Variants in SLX4 observed in about 807,000 individuals in gnomAD.
SLX4 encodes structure-specific endonuclease subunit SLX4.
SLX4 carries 112 observed loss-of-function variants against 146.2 expected under a neutral mutation model. The ratio of observed to expected loss-of-function variants is 0.77; its 90% confidence interval spans 0.66 to 0.90. The LOEUF is 0.90. Among genes scored for constraint, SLX4 ranks in the 40% least tolerant of loss-of-function variants. SLX4 has a pLI of 0.00. For synonymous variants in SLX4, 1,061 were observed against 997.7 expected (o/e 1.06, Z -1.20); for missense variants, 2,563 against 2,392.7 (o/e 1.07, Z -1.49).
intron 11 of SLX4, 137 bp from the exon 12 acceptor site, chr16:3,591,447 C>T (rs1296675924): frequency 5.4e-6 from 7 of 1,299,394 alleles, no homozygotes; most frequent in African/African-American, 2.9e-5. Context: ...CCTTTGAAGA[C>T]GGTGTCCACA....
chr16:3,598,953 T>C (rs1368160912), intron 5 of SLX4, among the ~76,000 whole-genome samples: 3 of 152,108 alleles, frequency 2.0e-5, no homozygotes, highest in Admixed American at 1.3e-4. Context: ...GGCTTGGCCT[T>C]TGGGGAGGGA....
Position 3,589,976 on chromosome 16 carries a change from GC to G in SLX4, c.3661del (p.Ala1221ArgfsTer67). 1 of 1,613,796 alleles carries G rather than the reference GC, an allele frequency of 6.2e-7. No individual in the cohort carries two copies. The highest frequency in any genetic ancestry group is 8.5e-7 in the Non-Finnish European group (1 of 1,179,984). ...EAVLQQEDEG[A>X]LPENRGSLGR... ...CAAAGAGCCCCGATTCTCCGGCAGC[GC>G]CCCCTCATCCTCCTGCTGCAGCACA... On this transcript the variant is annotated frameshift_variant, in exon 12 of 15. Coordinates refer to ENST00000294008, the MANE Select transcript of SLX4 (RefSeq NM_032444.4). LOFTEE classifies it high-confidence loss of function. This position sits in a 1 kb window ranked among gnomAD's most constrained non-coding sequence, Gnocchi z 6.2.
At chr16:3,605,380 C>T (rs901305177) in intron 3 of SLX4, among the ~76,000 whole-genome samples, 12 of 152,050 alleles carry the variant, frequency 7.9e-5, no homozygotes, top group Admixed American at 1.3e-4. Context: ...TGAGCCACCA[C>T]GCCTGGCCCC....
Position 3,590,061 on chromosome 16 carries a change from A to G in SLX4, c.3577T>C (p.Ser1193Pro). The G allele has an allele frequency of 6.2e-7, 1 of 1,614,128 alleles. No individual in the cohort carries two copies. The highest frequency in any genetic ancestry group is 8.5e-7 in the Non-Finnish European group (1 of 1,180,030). ...TGATCTGCATCAACATCAATGATGG[A>G]AAACAGCTCACAGGACCTAGGGCTA... Reference protein sequence around the residue: ...EISPRSCELFSIIDVDADQEP... With the variant: ...EISPRSCELFPIIDVDADQEP... The change falls in exon 12 of 15, where the codon TCC becomes CCC. Residue 1193 changes from serine (S) to proline (P), a missense_variant. Coordinates refer to ENST00000294008, the MANE Select transcript of SLX4 (RefSeq NM_032444.4). This position sits in a 1 kb window ranked among gnomAD's most constrained non-coding sequence, Gnocchi z 4.8.
rs751940082 is a variant in SLX4, at chr16:3,608,763, T to C, written c.202A>G (p.Lys68Glu). 4.3e-6 allele frequency: 7 copies of C among 1,614,092 alleles called. No homozygotes were observed. The Admixed American group carries it at 1.2e-4, about 27-fold the overall frequency. ...GTCTTCCTTTCTCCTGACACTTCCT[T>C]GATTCCATGTTTTTTCACCCTTTGG... Reference protein sequence around the residue: ...FFQRVKKHGIKEVSGERKTQK... With the variant: ...FFQRVKKHGIEEVSGERKTQK... The change falls in exon 2 of 15, where the codon AAG becomes GAG. Residue 68 changes from lysine (K) to glutamate (E), a missense_variant. Coordinates refer to ENST00000294008, the MANE Select transcript of SLX4 (RefSeq NM_032444.4).
intron 11 of SLX4, among the ~76,000 whole-genome samples, chr16:3,591,817 C>T (rs1287054417): frequency 6.6e-6 from 1 of 152,086 alleles, no homozygotes; most frequent in Non-Finnish European, 1.5e-5. Flanking sequence ...GTGATCATGC[C>T]ACTGCCATCC....
Position 3,583,311 on chromosome 16 carries a change from C to T in SLX4, c.4939G>A (p.Ala1647Thr), listed in dbSNP as rs2040464512. Reference sequence around the variant, plus strand: ...CTATGGGCCCCAGGTCCTGTGGTGGCCTCCTGCTGGGCATGGACCCCTGCC... The same window carrying T: ...CTATGGGCCCCAGGTCCTGTGGTGGTCTCCTGCTGGGCATGGACCCCTGCC... ...SRAGVHAQQE[A>T]TTGPGAHRPK... The change falls in exon 14 of 15, where the codon GCC becomes ACC. Residue 1647 changes from alanine to threonine, a missense_variant. Ala to Thr is a moderately conservative substitution (Grantham distance 58). Transcript: ENST00000294008. 1.2e-5 allele frequency: 19 copies of T among 1,614,010 alleles called. No individual in the cohort carries two copies. Among genetic ancestry groups the T allele is most frequent in the Non-Finnish European group, 1.5e-5 (18 of 1,180,014 alleles).
In SLX4 at chr16:3,597,240, G is replaced by C. The variant is rs201347072; in HGVS notation, c.1683+139C>G. On this transcript the variant is annotated intron_variant, in intron 7 of 14. Coordinates refer to ENST00000294008, the MANE Select transcript of SLX4 (RefSeq NM_032444.4). This position sits in a 1 kb window ranked among gnomAD's most constrained non-coding sequence, Gnocchi z 4.4. ...CAGAGAAGAAAGCTGCAGCCACCAA[G>C]TGCCCCTCTGGCCTCCTCCCGCCTC... The C allele has an allele frequency of 3.8e-3, 3,476 of 923,852 alleles. 12 individuals are homozygous for C. The highest frequency in any genetic ancestry group is 4.9e-3 in the Non-Finnish European group (3,079 of 631,268). The allele number at this position is 923,852 out of a possible 1,614,324, so 57.2% of individuals were successfully genotyped here.
chr16:3,606,012 C>CACTTTGGG (rs1259173809), intron 3 of SLX4, among the ~76,000 whole-genome samples: 1 of 147,364 alleles, frequency 6.8e-6, no homozygotes, highest in African/African-American at 2.5e-5. Flanking sequence ...GTAATCCCAG[C>CACTTTGGG]ACTTTGGGGA....
At position 3,594,369 on chromosome 16, in the gene SLX4, G is replaced by T. The variant is rs575487542; in HGVS notation, c.2160+84C>A. 3.2e-6 allele frequency: 5 copies of T among 1,544,862 alleles called. No individual in the cohort carries two copies. The African/African-American group carries it at 6.8e-5, about 21-fold the overall frequency. Reference sequence around the variant, plus strand: ...GTGGGGGGGTGGAAAGGGCACCTGAGACATGGGAAGACCTGGTTGGAGAAA... The same window carrying T: ...GTGGGGGGGTGGAAAGGGCACCTGATACATGGGAAGACCTGGTTGGAGAAA... On this transcript the variant is annotated intron_variant, in intron 10 of 14. Coordinates refer to ENST00000294008, the MANE Select transcript of SLX4 (RefSeq NM_032444.4).
At chr16:3,603,056 T>C (rs1278649432) in intron 3 of SLX4, among the ~76,000 whole-genome samples, 1 of 152,190 alleles carries the variant, frequency 6.6e-6, no homozygotes, top group Non-Finnish European at 1.5e-5. Flanking sequence ...CTGTTTTGTT[T>C]GTTTGTTTGT....
At chr16:3,605,341 G>A (rs756161481) in intron 3 of SLX4, among the ~76,000 whole-genome samples, 42 of 151,846 alleles carry the variant, frequency 2.8e-4, no homozygotes, top group Non-Finnish European at 3.5e-4. Context: ...TGCGCACCTC[G>A]GCCTCCCAAA....
chr16:3,581,911 C>A lies in SLX4; in HGVS notation c.*431G>T, dbSNP rs542209079. ...ATAAAAAATCAGCTGGGCGTGGCAGCGTGTGCCTGTAGTCCCAGCTATCTG... is the reference window on the plus strand; with the variant it reads ...ATAAAAAATCAGCTGGGCGTGGCAGAGTGTGCCTGTAGTCCCAGCTATCTG... On this transcript the variant is annotated 3_prime_UTR_variant, in exon 15 of 15. Transcript: ENST00000294008. The A allele has an allele frequency of 4.6e-6, 1 of 217,402 alleles. No individual in the cohort carries two copies. Among genetic ancestry groups the A allele is most frequent in the Admixed American group, 5.1e-5 (1 of 19,420 alleles). The allele number at this position is 217,402 out of a possible 1,614,324, so 13.5% of individuals were successfully genotyped here.
At position 3,597,654 on chromosome 16, in the gene SLX4, A is replaced by T. The variant is rs574659618; in HGVS notation, c.1408T>A (p.Leu470Met). Residue 470 changes from leucine to methionine, a missense_variant, in exon 7 of 15, where the codon TTG (leucine) becomes ATG (methionine). Transcript: ENST00000294008. The surrounding 1 kb of genome is among the most constrained non-coding windows in gnomAD (Gnocchi z 4.4). ...RKKKPPVSPP[L>M]LLVQDSETTG... is the part of the protein sequence containing the mutation. ...GTTTCAGAGTCCTGGACTAACAACA[A>T]TGGGGGGGATACCGGGGGTTTCTTC... 1 of 1,582,312 alleles carries T rather than the reference A, an allele frequency of 6.3e-7. No individual in the cohort carries two copies. Among genetic ancestry groups the T allele is most frequent in the Non-Finnish European group, 8.6e-7 (1 of 1,161,260 alleles).
rs774688229 is a variant in SLX4, at chr16:3,582,381, C to G, written c.5466G>C (p.Arg1822Ser). 1 of 1,613,672 alleles carries G rather than the reference C, an allele frequency of 6.2e-7. No individual in the cohort carries two copies. The highest frequency in any genetic ancestry group is 1.1e-5 in the South Asian group (1 of 91,076). ...ATRREKLQGR[R>S]RQPRGKKKVE... ...CCTTCTTCTTGCCCCGAGGCTGCCG[C>G]CTCCTGCCCTGGAGCTTCTCCCTGC... The change falls in exon 15 of 15, where the codon AGG becomes AGC. Residue 1822 changes from arginine (R) to serine (S), a missense_variant. Arg to Ser is a moderately radical substitution (Grantham distance 110). Transcript: ENST00000294008.
rs139099529 is a variant in SLX4, at chr16:3,595,584, C to A, written c.2013+21G>T. Reference sequence around the variant, plus strand: ...GTGGGATGGCCGGGACCAGAGAGCGCGGGCCAGAGCCAGTTCTTACCAAGG... The same window carrying A: ...GTGGGATGGCCGGGACCAGAGAGCGAGGGCCAGAGCCAGTTCTTACCAAGG... On this transcript the variant is annotated intron_variant, in intron 9 of 14. Transcript: ENST00000294008. 1.2e-3 allele frequency: 1,865 copies of A among 1,612,908 alleles called. 22 individuals are homozygous for A. The African/African-American group carries it at 0.021, about 19-fold the overall frequency.
At chr16:3,606,747 A>G (rs565317093) in intron 2 of SLX4, 49 bp from the exon 3 acceptor site, 2 of 1,601,718 alleles carry the variant, frequency 1.2e-6, no homozygotes, top group Non-Finnish European at 1.7e-6. Context: ...CTGGAGAAAT[A>G]AAAGACTTTT....
intron 5 of SLX4, 106 bp from the exon 6 acceptor site, chr16:3,598,105 A>C (rs1460340411): frequency 6.8e-6 from 9 of 1,325,410 alleles, no homozygotes; most frequent in Middle Eastern, 1.9e-4. Context: ...AAAGTGACGG[A>C]TGTGGACCTG....
rs377500336 is a variant in SLX4 at position 3,608,539 on chromosome 16, A to T, written c.426T>A (p.Gly142=). 1.8e-5 allele frequency: 29 copies of T among 1,613,476 alleles called. No homozygotes were observed. The highest frequency in any genetic ancestry group is 6.7e-5 in the East Asian group (3 of 44,846). Residue 142 remains glycine (G), a synonymous_variant, in exon 2 of 15, where the codon GGT becomes GGA. Coordinates refer to ENST00000294008, the MANE Select transcript of SLX4 (RefSeq NM_032444.4). ...GTGGATCTGGAGCAGAGGCAAGCAC[A>T]CCCCCCTCCCCATTCACAGAGTGGG... is the stretch of plus-strand genomic sequence containing the variant. ...EPAHSVNGEG[G]VLASAPDPPV... is the part of the protein sequence containing the mutation.
Sources: allele counts gnomAD v4.1 joint callset (sites outside exome capture counted in the v4.1 genomes callset), GRCh38; gene constraint gnomAD v4.1.1; non-coding constraint Gnocchi (gnomAD v3.1); transcripts MANE v1.5; gene names NCBI Gene and HGNC (gene_info 2026-07-23, HGNC 2026-07-21).